The following ELOVL7 variants were observed in gnomAD, a reference collection of about 807,000 sequenced individuals.
The protein encoded by ELOVL7 is very long chain fatty acid elongase 7.
A neutral mutation model predicts 35.7 loss-of-function variants in ELOVL7; 27 were observed. The ratio of observed to expected loss-of-function variants is 0.76; its 90% confidence interval spans 0.56 to 1.04. The LOEUF is 1.04. Among genes scored for constraint, ELOVL7 ranks in the 50% least tolerant of loss-of-function variants. ELOVL7 has a pLI of 0.00. For synonymous variants in ELOVL7, 113 were observed against 114.6 expected, an observed-to-expected ratio of 0.99 and a Z score of 0.09; for missense variants, 327 against 340.8, an observed-to-expected ratio of 0.96 and a Z score of 0.32.
chr5:60,835,578 T>C (rs1746749743), intron 1 of ELOVL7, among the ~76,000 whole-genome samples: 1 of 151,800 alleles, frequency 6.6e-6, no homozygotes, highest in Non-Finnish European at 1.5e-5. Context: ...CACCCAGTTA[T>C]TTTTTAAATT....
At chr5:60,839,015 C>G (rs1284474208) in intron 1 of ELOVL7, among the ~76,000 whole-genome samples, 1 of 112,438 alleles carries the variant, frequency 8.9e-6, no homozygotes, top group Non-Finnish European at 1.9e-5. Context: ...AAGAACAAAA[C>G]AGTGTCAAAA....
At chr5:60,817,699 ACACAC>A (rs1745602925) in intron 1 of ELOVL7, among the ~76,000 whole-genome samples, 1 of 148,006 alleles carries the variant, frequency 6.8e-6, no homozygotes, top group Non-Finnish European at 1.5e-5. Flanking sequence ...ATATATATAC[ACACAC>A]CATATATATA....
At chr5:60,775,497 C>T (rs1742849312) in intron 3 of ELOVL7, among the ~76,000 whole-genome samples, 1 of 152,010 alleles carries the variant, frequency 6.6e-6, no homozygotes, top group Non-Finnish European at 1.5e-5. Flanking sequence ...TCATAGAAAA[C>T]CAAAAATGAG....
intron 1 of ELOVL7, among the ~76,000 whole-genome samples, chr5:60,820,617 C>T (rs1745825907): frequency 6.6e-6 from 1 of 152,136 alleles, no homozygotes; most frequent in Non-Finnish European, 1.5e-5. Context: ...AGAAAGGCAC[C>T]TAACTGGTAC....
At chr5:60,826,278 G>C (rs994107696) in intron 1 of ELOVL7, among the ~76,000 whole-genome samples, 2 of 152,160 alleles carry the variant, frequency 1.3e-5, no homozygotes, top group Non-Finnish European at 2.9e-5. Context: ...TTCTAATGCA[G>C]TGTTTCATAA....
At chr5:60,828,677 T>C (rs1746313669) in intron 1 of ELOVL7, among the ~76,000 whole-genome samples, 1 of 152,162 alleles carries the variant, frequency 6.6e-6, no homozygotes, top group South Asian at 2.1e-4. Context: ...AATAAAGAAA[T>C]AGCAAAGTTA....
At chr5:60,828,595 A>G (rs1293513401) in intron 1 of ELOVL7, among the ~76,000 whole-genome samples, 2 of 152,174 alleles carry the variant, frequency 1.3e-5, no homozygotes, top group Admixed American at 6.5e-5. Flanking sequence ...GCTAAGCCCA[A>G]AAATGCATAG....
chr5:60,840,479 A>T (rs963503555), intron 1 of ELOVL7, among the ~76,000 whole-genome samples: 2 of 152,206 alleles, frequency 1.3e-5, no homozygotes, highest in African/African-American at 4.8e-5. Flanking sequence ...GAGCTTTCAG[A>T]AGGGTTCAAC....
chr5:60,766,469 G>C, intron 6 of ELOVL7, 105 bp downstream of exon 6: 1 of 959,408 alleles, frequency 1.0e-6, no homozygotes, highest in Non-Finnish European at 1.6e-6. Flanking sequence ...AAAGTTATCA[G>C]ACAACTGAAA....
At chr5:60,763,954 C>T (rs1362685262) in intron 7 of ELOVL7, among the ~76,000 whole-genome samples, 1 of 151,836 alleles carries the variant, frequency 6.6e-6, no homozygotes, top group Admixed American at 6.6e-5. Context: ...TTTAATAAAC[C>T]TCTCTGGGAA....
intron 2 of ELOVL7, among the ~76,000 whole-genome samples, chr5:60,794,398 T>A (rs1487036297): frequency 6.6e-6 from 1 of 152,234 alleles, no homozygotes; most frequent in East Asian, 1.9e-4. Flanking sequence ...CCTGGGCACC[T>A]GGTCACTTTG....
chr5:60,836,408 T>C lies in ELOVL7; in HGVS notation c.-86+7752A>G, dbSNP rs535561920. Among the ~76,000 whole-genome samples the C allele has an allele frequency of 5.1e-4, 78 of 152,106 alleles. 1 individual carries two copies. The Middle Eastern group carries it at 0.034, about 66-fold the overall frequency. On this transcript the variant is annotated intron_variant, in intron 1 of 8. Transcript: ENST00000508821. ...TGTTAGTCACACACGAAGAAGAGGA[T>C]GAAGGATGAAGCTATCAGCTGTGCT...
At chr5:60,821,704 G>A (rs933201174) in intron 1 of ELOVL7, among the ~76,000 whole-genome samples, 32 of 152,190 alleles carry the variant, frequency 2.1e-4, no homozygotes, top group African/African-American at 5.8e-4. Context: ...TGGTGCTGAC[G>A]CACAAATGGT....
At chr5:60,820,026 AAGG>A (rs1188407104) in intron 1 of ELOVL7, among the ~76,000 whole-genome samples, 5 of 152,244 alleles carry the variant, frequency 3.3e-5, no homozygotes, top group Non-Finnish European at 1.5e-5. Context: ...TGGCTGGAAG[AAGG>A]AGGATTTGAA....
intron 4 of ELOVL7, among the ~76,000 whole-genome samples, chr5:60,769,566 G>C (rs987578198): frequency 6.6e-6 from 1 of 152,204 alleles, no homozygotes; most frequent in African/African-American, 2.4e-5. Context: ...CATTGGTAGA[G>C]GTGTTTGCTT....
At chr5:60,779,429 C>G (rs551609269) in intron 3 of ELOVL7, among the ~76,000 whole-genome samples, 1 of 152,280 alleles carries the variant, frequency 6.6e-6, no homozygotes, top group African/African-American at 2.4e-5. Flanking sequence ...GGTAGAGGTT[C>G]CCAAACCTCA....
rs1742621285 is a variant in ELOVL7, at chr5:60,771,984, A to G, written c.174T>C (p.Asn58=). Residue 58 remains asparagine, a synonymous_variant, in exon 4 of 9, where the codon AAT becomes AAC. Coordinates refer to ENST00000508821, the MANE Select transcript of ELOVL7 (RefSeq NM_024930.3). ...CTTTCTTGAGTTCAAAGGGCTTGCG[A>G]TTTTCCATGAGCTTTGGTCCCAAGG... ...VTSLGPKLME[N]RKPFELKKAM... 6.2e-7 allele frequency: 1 copy of G among 1,613,920 alleles called. No homozygotes were observed. The highest frequency in any genetic ancestry group is 1.3e-5 in the African/African-American group (1 of 74,914).
At chr5:60,790,133 A>G (rs1743842552) in intron 2 of ELOVL7, among the ~76,000 whole-genome samples, 1 of 152,098 alleles carries the variant, frequency 6.6e-6, no homozygotes, top group African/African-American at 2.4e-5. Context: ...GCGAGACACT[A>G]CCTCAAAAAG....
chr5:60,839,178 C>A (rs1167689668), intron 1 of ELOVL7, among the ~76,000 whole-genome samples: 1 of 151,536 alleles, frequency 6.6e-6, no homozygotes, highest in Non-Finnish European at 1.5e-5. Context: ...CCATCTCTAC[C>A]AAAAATAAAT....
Sources: gnomAD v4.1 joint callset for allele counts (sites outside exome capture counted in the v4.1 genomes callset) on GRCh38, gnomAD v4.1.1 for gene constraint, MANE v1.5 for transcripts, NCBI Gene and HGNC (gene_info 2026-07-23, HGNC 2026-07-21) for gene names.